F12: variants seen among roughly 807,000 people sequenced by gnomAD.
F12 encodes coagulation factor XII.
F12 carries 70 observed loss-of-function variants against 74.8 expected under a neutral mutation model. The observed-to-expected ratio is 0.94, with a 90% CI of 0.77 to 1.14. F12 has a LOEUF of 1.14. F12 is among the 50% of genes most tolerant of loss of function. The probability of loss-of-function intolerance (pLI) is 0.00; values close to 1 mark genes in which losing one functional copy is unlikely to be tolerated. For missense variants in F12, 811 were observed against 835.7 expected, an observed-to-expected ratio of 0.97 and a Z score of 0.36; for synonymous variants, 373 against 356.4, an observed-to-expected ratio of 1.05 and a Z score of -0.52.
At chr5:177,409,238 C>T (rs1763352474) in intron 1 of F12, 135 bp from the exon 2 acceptor site, 4 of 1,035,542 alleles carry the variant, frequency 3.9e-6, no homozygotes, top group Admixed American at 2.0e-5. Flanking sequence ...TTTCTACCTC[C>T]CCCCGTTGTC....
rs1763185770 is a variant in F12 at position 177,403,252 on chromosome 5, A to C, written c.1531+2T>G. 1.3e-6 allele frequency: 2 copies of C among 1,597,788 alleles called. No individual in the cohort carries two copies. Among genetic ancestry groups the C allele is most frequent in the Non-Finnish European group, 1.7e-6 (2 of 1,179,398 alleles). ...ACCCCTGCCCCTAGCAGTTGTGCCT[A>C]CCCTCGAACTGGTGGCCCCAGCCGG... On this transcript the variant is annotated splice_donor_variant, in intron 12 of 13. Transcript: ENST00000253496. LOFTEE classifies it high-confidence loss of function.
In F12 at chr5:177,404,483, G is replaced by A. The variant is rs1763233246; in HGVS notation, c.800+16C>T. 6.3e-7 allele frequency: 1 copy of A among 1,589,880 alleles called. No homozygotes were observed. The highest frequency in any genetic ancestry group is 1.8e-5 in the Admixed American group (1 of 56,314). On this transcript the variant is annotated intron_variant, in intron 8 of 13. Coordinates refer to ENST00000253496, the MANE Select transcript of F12 (RefSeq NM_000505.4). ...AGCCCTGGGGCGGAGGGGTCACCCA[G>A]CCCCACGCGGCGCACCGGCAGAAGG...
intron 2 of F12, among the ~76,000 whole-genome samples, chr5:177,408,448 G>T (rs1041433073): frequency 2.0e-5 from 3 of 152,226 alleles, no homozygotes; most frequent in Admixed American, 6.5e-5. Flanking sequence ...CATCTAAAAG[G>T]TAGTTTCATA....
chr5:177,402,601 G>T lies in F12; in HGVS notation c.1629C>A (p.Leu543=). The change falls in exon 13 of 14, where the codon CTC becomes CTA. Residue 543 remains leucine (L), a synonymous_variant. Transcript: ENST00000253496. ...SAPDVHGSSI[L]PGMLCAGFLE... is the part of the protein sequence containing the mutation. ...GGAACCCTGCGCAGAGCATGCCGGGGAGGATGGAGGATCCGTGCACGTCCG... is the reference window on the plus strand; with the variant it reads ...GGAACCCTGCGCAGAGCATGCCGGGTAGGATGGAGGATCCGTGCACGTCCG... 6.2e-7 allele frequency: 1 copy of T among 1,613,200 alleles called. No homozygotes were observed.
rs1763209840 is a variant in F12 at position 177,403,854 on chromosome 5, C to T, written c.1250+5G>A. On this transcript the variant is annotated splice_donor_5th_base_variant and intron_variant, in intron 10 of 13. Transcript: ENST00000253496. ...TGGGGCGGCTCTGGGCGGGCGGGTA[C>T]TCGCCGGTCCTGCAGGCAGTGAGCG... The T allele has an allele frequency of 6.6e-7, 1 of 1,524,590 alleles. No homozygotes were observed. The highest frequency in any genetic ancestry group is 2.4e-5 in the East Asian group (1 of 41,126). 94.4% of individuals were successfully genotyped at this position (1,524,590 alleles called of 1,614,324 possible).
At chr5:177,403,044 C>T (rs1041882698) in intron 12 of F12, among the ~76,000 whole-genome samples, 2 of 152,170 alleles carry the variant, frequency 1.3e-5, no homozygotes, top group Admixed American at 1.3e-4. Flanking sequence ...TCGATTCTCC[C>T]TGTATCCCCA....
At position 177,408,354 on chromosome 5, in the gene F12, T is replaced by C. The variant is rs571680673; in HGVS notation, c.115+692A>G. On this transcript the variant is annotated intron_variant, in intron 2 of 13. Transcript: ENST00000253496. ...CAGGCATGAGCCACCATGCCTGGCA[T>C]GTAGGTAATTTAGTGTCTGGAAGAA... Among the ~76,000 whole-genome samples the C allele has an allele frequency of 4.6e-4, 70 of 152,184 alleles. No individual in the cohort carries two copies. The Middle Eastern group carries it at 0.01, about 22-fold the overall frequency.
In F12 at chr5:177,409,473, A is replaced by C. The variant is rs779289444; in HGVS notation, c.55T>G (p.Ser19Ala). The change falls in exon 1 of 14, where the codon TCG becomes GCG. Residue 19 changes from serine to alanine, a missense_variant and splice_region_variant. Ser to Ala is a moderately conservative substitution (Grantham distance 99). Coordinates refer to ENST00000253496, the MANE Select transcript of F12 (RefSeq NM_000505.4). ...FLLVSLESTL[S>A]IPPWEAPKEH... ...ATCCTGGTTCCCACAGCACTCACCG[A>C]AAGTGTTGACTCCAAGCTCACCAGC... The C allele has an allele frequency of 1.7e-5, 28 of 1,613,786 alleles. No homozygotes were observed. Among genetic ancestry groups the C allele is most frequent in the Non-Finnish European group, 2.4e-5 (28 of 1,179,976 alleles).
At chr5:177,403,654 C>A in intron 10 of F12, 37 bp from the exon 11 acceptor site, 1 of 1,592,776 alleles carries the variant, frequency 6.3e-7, no homozygotes, top group Non-Finnish European at 8.5e-7. Context: ...CGCTCTCAGA[C>A]CTGGCCACAA....
Position 177,403,301 on chromosome 5 carries a change from G to T in F12, c.1484C>A (p.Ser495Tyr), listed in dbSNP as rs1250304599. ...VCLPSGAARP[S>Y]ETTLCQVAGW... ...GGCCACCTGGCAGAGCGTGGTCTCG[G>T]AGGGTCGCGCGGCGCCGCTTGGCAG... is the stretch of plus-strand genomic sequence containing the variant. The change falls in exon 12 of 14, where the codon TCC becomes TAC. Residue 495 changes from serine to tyrosine, a missense_variant. By Grantham distance (144) the Ser-to-Tyr change is moderately radical. Coordinates refer to ENST00000253496, the MANE Select transcript of F12 (RefSeq NM_000505.4). 1.7e-5 allele frequency: 27 copies of T among 1,599,830 alleles called. No homozygotes were observed. Among genetic ancestry groups the T allele is most frequent in the Non-Finnish European group, 2.0e-5 (24 of 1,179,838 alleles).
At chr5:177,408,995 C>G in intron 2 of F12, 51 bp downstream of exon 2, 6 of 1,528,098 alleles carry the variant, frequency 3.9e-6, no homozygotes, top group Non-Finnish European at 5.3e-6. Context: ...CACACTGCAC[C>G]ATACACATCC....
intron 12 of F12, 99 bp downstream of exon 12, chr5:177,403,155 G>A: frequency 6.6e-7 from 1 of 1,525,682 alleles, no homozygotes; most frequent in Admixed American, 1.7e-5. Flanking sequence ...CACCCATTCT[G>A]TAGGCACCCG....
intron 2 of F12, 91 bp from the exon 3 acceptor site, chr5:177,406,152 C>T: frequency 1.7e-6 from 2 of 1,210,106 alleles, no homozygotes; most frequent in East Asian, 2.3e-5. Flanking sequence ...AGGACAGACC[C>T]TCAAAAAGGT....
At position 177,402,670 on chromosome 5, in the gene F12, C is replaced by T. The variant is rs759021533; in HGVS notation, c.1560G>A (p.Gln520=). 23 of 1,612,332 alleles carry T rather than the reference C, an allele frequency of 1.4e-5. No homozygotes were observed. Among genetic ancestry groups the T allele is most frequent in the Middle Eastern group, 3.8e-4 (2 of 5,278 alleles). ...EGAEEYASFL[Q]EAQVPFLSLE... ...GGGAGAGGAACGGTACCTGCGCCTCCTGCAGGAAGCTGGCATATTCCTCCG... is the reference window on the plus strand; with the variant it reads ...GGGAGAGGAACGGTACCTGCGCCTCTTGCAGGAAGCTGGCATATTCCTCCG... The change falls in exon 13 of 14, where the codon CAG becomes CAA. Residue 520 remains glutamine (Q), a synonymous_variant. Coordinates refer to ENST00000253496, the MANE Select transcript of F12 (RefSeq NM_000505.4).
Position 177,403,584 on chromosome 5 carries a change from G to T in F12, c.1284C>A (p.Gly428=). Residue 428 remains glycine, a synonymous_variant, in exon 11 of 14, where the codon GGC becomes GGA. Transcript: ENST00000253496. The part of the protein sequence containing the change: ...PAPEDLTVVL[G]QERRNHSCEP... Reference sequence around the variant, plus strand: ...CACAGCTGTGGTTACGGCGTTCCTGGCCGAGCACCACCGTCAGATCCTCGG... The same window carrying T: ...CACAGCTGTGGTTACGGCGTTCCTGTCCGAGCACCACCGTCAGATCCTCGG... 6.2e-7 allele frequency: 1 copy of T among 1,605,488 alleles called. No individual in the cohort carries two copies.
intron 4 of F12, 150 bp from the exon 5 acceptor site, chr5:177,405,583 C>A: frequency 2.5e-6 from 3 of 1,186,770 alleles, no homozygotes; most frequent in South Asian, 2.5e-5. Flanking sequence ...CCACTCCTTC[C>A]CAGAACTCTC....
rs763312494 is a variant in F12 at position 177,402,662 on chromosome 5, T to C, written c.1568A>G (p.Gln523Arg). ...EEYASFLQEA[Q>R]VPFLSLERCS... The stretch of plus-strand genomic sequence containing the variant: ...GCGCTCCAGGGAGAGGAACGGTACC[T>C]GCGCCTCCTGCAGGAAGCTGGCATA... Residue 523 changes from glutamine to arginine, a missense_variant, in exon 13 of 14, where the codon CAG becomes CGG. Gln to Arg is a conservative substitution (Grantham distance 43). Transcript: ENST00000253496. 7.4e-6 allele frequency: 12 copies of C among 1,612,574 alleles called. No individual in the cohort carries two copies. Among genetic ancestry groups the C allele is most frequent in the Admixed American group, 3.3e-5 (2 of 60,014 alleles).
At position 177,404,221 on chromosome 5, in the gene F12, G is replaced by A; in HGVS notation, c.993C>T (p.Thr331=). Residue 331 remains threonine (T), a synonymous_variant, in exon 9 of 14, where the codon ACC becomes ACT. Transcript: ENST00000253496. ...APPKPQPTTR[T]PPQSQTPGAL... ...CTCCCGGGGTCTGGGACTGAGGCGGGGTCCGGGTCGTGGGCTGAGGCTTCG... is the reference window on the plus strand; with the variant it reads ...CTCCCGGGGTCTGGGACTGAGGCGGAGTCCGGGTCGTGGGCTGAGGCTTCG... 1 of 1,602,568 alleles carries A rather than the reference G, an allele frequency of 6.2e-7. No homozygotes were observed. The highest frequency in any genetic ancestry group is 8.5e-7 in the Non-Finnish European group (1 of 1,173,054).
intron 12 of F12, 114 bp from the exon 13 acceptor site, chr5:177,402,812 G>T: frequency 6.8e-7 from 1 of 1,462,418 alleles, no homozygotes; most frequent in Non-Finnish European, 9.4e-7. Flanking sequence ...CTCTCTCGCA[G>T]CAAGCCCGAA....
Sources: gnomAD v4.1 joint callset for allele counts (sites outside exome capture counted in the v4.1 genomes callset) on GRCh38, gnomAD v4.1.1 for gene constraint, MANE v1.5 for transcripts, NCBI Gene and HGNC (gene_info 2026-07-23, HGNC 2026-07-21) for gene names.